The following UBE2H variants were observed in gnomAD, a reference collection of about 807,000 sequenced individuals.
UBE2H encodes ubiquitin-conjugating enzyme E2 H.
A neutral mutation model predicts 29.0 loss-of-function variants in UBE2H; 3 were observed. The ratio of observed to expected loss-of-function variants is 0.10; its 90% confidence interval spans 0.05 to 0.27. The LOEUF is 0.27. Among genes scored for constraint, UBE2H ranks in the 10% least tolerant of loss-of-function variants. UBE2H has a pLI of 1.00. For missense variants in UBE2H, 68 were observed against 228.2 expected, an observed-to-expected ratio of 0.30 and a Z score of 4.52; for synonymous variants, 69 against 82.9, an observed-to-expected ratio of 0.83 and a Z score of 0.91.
At chr7:129,909,328 G>A (rs2280680) in intron 1 of UBE2H, among the ~76,000 whole-genome samples, 9,986 of 152,198 alleles carry the variant, frequency 0.066, 535 homozygotes, top group East Asian at 0.25. Context: ...CAGGCAGGGG[G>A]TAGGTATTCA....
intron 1 of UBE2H, among the ~76,000 whole-genome samples, chr7:129,944,748 A>ACACACGCACGCACG (rs34490269): frequency 6.4e-5 from 9 of 140,040 alleles, no homozygotes; most frequent in African/African-American, 2.4e-4. Flanking sequence ...ACACACACAC[A>ACACACGCACGCACG]CACGCACGCA....
chr7:129,887,793 G>C (rs1052570148), intron 1 of UBE2H, among the ~76,000 whole-genome samples: 1 of 152,088 alleles, frequency 6.6e-6, no homozygotes, highest in African/African-American at 2.4e-5. Context: ...CAGCTACTCG[G>C]GAGGCGGAGA....
chr7:129,926,439 G>A (rs1807271586), intron 1 of UBE2H, among the ~76,000 whole-genome samples: 1 of 151,288 alleles, frequency 6.6e-6, no homozygotes, highest in South Asian at 2.1e-4. Flanking sequence ...AACCCAGGAG[G>A]CAGAGGCTGC....
chr7:129,869,919 G>A (rs887428170), intron 3 of UBE2H, among the ~76,000 whole-genome samples: 16 of 152,032 alleles, frequency 1.1e-4, no homozygotes, highest in African/African-American at 2.4e-4. Context: ...CTAGTGGGTC[G>A]CTCCCCCAGT....
intron 1 of UBE2H, among the ~76,000 whole-genome samples, chr7:129,887,732 C>T (rs62491518): frequency 0.25 from 37,342 of 149,846 alleles, 4,958 homozygotes; most frequent in African/African-American, 0.31. Flanking sequence ...AAACCCCGTC[C>T]CTACTAAAAA....
intron 1 of UBE2H, among the ~76,000 whole-genome samples, chr7:129,926,228 G>A (rs1807266231): frequency 6.6e-6 from 1 of 152,032 alleles, no homozygotes; most frequent in Non-Finnish European, 1.5e-5. Flanking sequence ...TCCTGGCCTC[G>A]GCCCGGCACA....
At chr7:129,944,843 C>T (rs1807730757) in intron 1 of UBE2H, among the ~76,000 whole-genome samples, 1 of 151,910 alleles carries the variant, frequency 6.6e-6, no homozygotes, top group African/African-American at 2.4e-5. Flanking sequence ...TTCATAGCAA[C>T]TTTACTGGTA....
intron 1 of UBE2H, among the ~76,000 whole-genome samples, chr7:129,938,633 G>C (rs1169724264): frequency 6.6e-6 from 1 of 150,888 alleles, no homozygotes; most frequent in Admixed American, 6.6e-5. Flanking sequence ...TTGAACCCGG[G>C]AGGCGGAGGT....
At chr7:129,944,181 C>G (rs921493571) in intron 1 of UBE2H, among the ~76,000 whole-genome samples, 5 of 151,780 alleles carry the variant, frequency 3.3e-5, no homozygotes, top group Non-Finnish European at 7.4e-5. Context: ...ATGGTGAAAC[C>G]CTGTCGCTAC....
At chr7:129,889,899 AG>A (rs1156856452) in intron 1 of UBE2H, among the ~76,000 whole-genome samples, 3 of 152,110 alleles carry the variant, frequency 2.0e-5, no homozygotes, top group Admixed American at 1.3e-4. Flanking sequence ...CTGACAGGGG[AG>A]GATCACATGA....
intron 1 of UBE2H, among the ~76,000 whole-genome samples, chr7:129,885,561 C>T (rs1244765804): frequency 1.3e-5 from 2 of 152,194 alleles, no homozygotes; most frequent in Admixed American, 1.3e-4. Context: ...ATCCTCCAAG[C>T]CTTCTCTTTC....
At chr7:129,848,409 T>C (rs1258953269) in intron 5 of UBE2H, among the ~76,000 whole-genome samples, 3 of 152,212 alleles carry the variant, frequency 2.0e-5, no homozygotes, top group African/African-American at 4.8e-5. Context: ...CACTACTGTC[T>C]AAGGTATTTA....
chr7:129,926,038 TTTCC>T (rs1368616492), intron 1 of UBE2H, among the ~76,000 whole-genome samples: 2 of 152,202 alleles, frequency 1.3e-5, no homozygotes, highest in African/African-American at 4.8e-5. Flanking sequence ...ATTATAAGTA[TTTCC>T]TTCCTTTTTC....
At chr7:129,919,787 T>C (rs1342449435) in intron 1 of UBE2H, among the ~76,000 whole-genome samples, 2 of 152,154 alleles carry the variant, frequency 1.3e-5, no homozygotes, top group Non-Finnish European at 2.9e-5. Context: ...CTTTACTGCT[T>C]TGCACAGGGT....
At chr7:129,842,213 A>G (rs1805441040) in intron 5 of UBE2H, among the ~76,000 whole-genome samples, 1 of 152,224 alleles carries the variant, frequency 6.6e-6, no homozygotes, top group Non-Finnish European at 1.5e-5. Context: ...GGTGGATCAC[A>G]TAAGGCCAGG....
intron 3 of UBE2H, among the ~76,000 whole-genome samples, chr7:129,873,201 A>G (rs1806078392): frequency 6.7e-6 from 1 of 149,406 alleles, no homozygotes; most frequent in South Asian, 2.1e-4. Context: ...TGTATTTTTT[A>G]GTAGAGACAG....
chr7:129,947,192 T>G (rs888496158), intron 1 of UBE2H, among the ~76,000 whole-genome samples: 2 of 152,238 alleles, frequency 1.3e-5, no homozygotes, highest in African/African-American at 4.8e-5. Context: ...GAATCAGATG[T>G]TCTGAAGCTG....
intron 1 of UBE2H, among the ~76,000 whole-genome samples, chr7:129,908,954 C>T (rs1002858562): frequency 4.6e-5 from 7 of 152,106 alleles, no homozygotes; most frequent in African/African-American, 1.7e-4. Context: ...AAGTCCATTG[C>T]GTAGAACTCA....
At chr7:129,887,759 C>A (rs1012200870) in intron 1 of UBE2H, among the ~76,000 whole-genome samples, 1 of 151,842 alleles carries the variant, frequency 6.6e-6, no homozygotes, top group South Asian at 2.1e-4. Flanking sequence ...ATTAGCCAGG[C>A]GTTGTGGCAC....
Sources: allele counts gnomAD v4.1 joint callset (sites outside exome capture counted in the v4.1 genomes callset), GRCh38; gene constraint gnomAD v4.1.1; transcripts MANE v1.5; gene names NCBI Gene and HGNC (gene_info 2026-07-23, HGNC 2026-07-21).